SMAD3: variants seen among roughly 807,000 people sequenced by gnomAD.
SMAD3 encodes the protein SMAD family member 3, also known as MAD homolog 3.
SMAD3 carries 12 observed loss-of-function variants against 51.8 expected under a neutral mutation model. That is an observed-to-expected ratio of 0.23 (90% CI 0.15 to 0.38). The LOEUF is 0.38. Among genes scored for constraint, SMAD3 ranks in the 10% least tolerant of loss-of-function variants. The probability of loss-of-function intolerance (pLI) is 1.00; values close to 1 mark genes in which losing one functional copy is unlikely to be tolerated. For synonymous variants in SMAD3, 238 were observed against 227.7 expected (o/e 1.05, Z -0.41); for missense variants, 294 against 565.6 (o/e 0.52, Z 4.87).
rs1963471620 is a variant in SMAD3 at position 67,195,165 on chromosome 15, G to A, written c.*4629G>A. 1 of 231,906 alleles carries A rather than the reference G, an allele frequency of 4.3e-6. No individual in the cohort carries two copies. Among genetic ancestry groups the A allele is most frequent in the Admixed American group, 5.6e-5 (1 of 17,708 alleles). 14.4% of individuals were successfully genotyped at this position (231,906 alleles called of 1,614,324 possible). A position where few individuals can be genotyped will look rare whatever the true frequency, so the allele number is the denominator to read the frequency against. On this transcript the variant is annotated 3_prime_UTR_variant, in exon 9 of 9. Transcript: ENST00000327367. ...GTGCCCTTCTAATAAACTTTTCATG[G>A]AAAAGCTCCTGTGCCAGGAGCTCAG...
intron 1 of SMAD3, among the ~76,000 whole-genome samples, chr15:67,126,948 G>A (rs1961404787): frequency 6.6e-6 from 1 of 152,246 alleles, no homozygotes; most frequent in African/African-American, 2.4e-5. Flanking sequence ...TCCAGGACGA[G>A]GTGGGCACTC....
At chr15:67,183,001 ATATAT>A (rs1267212452) in intron 6 of SMAD3, among the ~76,000 whole-genome samples, 32 of 47,482 alleles carry the variant, frequency 6.7e-4, no homozygotes, top group Non-Finnish European at 8.5e-4. Context: ...AAAAAAAAAA[ATATAT>A]ATATATATAT....
chr15:67,109,772 C>T (rs970881812), intron 1 of SMAD3, among the ~76,000 whole-genome samples: 18 of 152,212 alleles, frequency 1.2e-4, no homozygotes, highest in African/African-American at 2.4e-4. Flanking sequence ...GCGACACCCG[C>T]GTGCCCCTTA....
intron 7 of SMAD3, among the ~76,000 whole-genome samples, chr15:67,185,187 G>C (rs1310444904): frequency 6.6e-6 from 1 of 152,210 alleles, no homozygotes. Context: ...TCTGTGCCAG[G>C]TGCTGTAGGG....
chr15:67,147,393 C>T (rs367549986), intron 1 of SMAD3, among the ~76,000 whole-genome samples: 182 of 152,266 alleles, frequency 1.2e-3, no homozygotes, highest in African/African-American at 4.1e-3. Context: ...TGTTCAGTTA[C>T]ACCGACAGCT....
intron 8 of SMAD3, among the ~76,000 whole-genome samples, chr15:67,189,544 C>G (rs773985534): frequency 6.6e-6 from 1 of 152,232 alleles, no homozygotes; most frequent in Non-Finnish European, 1.5e-5. Context: ...AGCAGCCTGA[C>G]GGGCGGGCGC....
In SMAD3 at chr15:67,194,436, A is replaced by G. The variant is rs1963449290; in HGVS notation, c.*3900A>G. 1 of 233,384 alleles carries G rather than the reference A, an allele frequency of 4.3e-6. No homozygotes were observed. Among genetic ancestry groups the G allele is most frequent in the African/African-American group, 2.2e-5 (1 of 45,478 alleles). 14.5% of individuals were successfully genotyped at this position (233,384 alleles called of 1,614,324 possible). A position where few individuals can be genotyped will look rare whatever the true frequency, so the allele number is the denominator to read the frequency against. ...GCAACTTTTCAAAAACACAGCTATC[A>G]TAGAAAAGAAACTTGCCTCATGTAA... On this transcript the variant is annotated 3_prime_UTR_variant, in exon 9 of 9. Coordinates refer to ENST00000327367, the MANE Select transcript of SMAD3 (RefSeq NM_005902.4).
chr15:67,153,312 T>G (rs1235814541), intron 1 of SMAD3, among the ~76,000 whole-genome samples: 5 of 152,104 alleles, frequency 3.3e-5, no homozygotes, highest in Non-Finnish European at 7.4e-5. Flanking sequence ...GCCAATATTG[T>G]GAAACCCCGT....
chr15:67,184,735 G>A lies in SMAD3; in HGVS notation c.880G>A (p.Val294Met), dbSNP rs863223744. 1.2e-6 allele frequency: 2 copies of A among 1,614,066 alleles called. No homozygotes were observed. Among genetic ancestry groups the A allele is most frequent in the Non-Finnish European group, 1.7e-6 (2 of 1,180,036 alleles). ...ELTRRHIGRG[V>M]RLYYIGGEVF... is the part of the protein sequence containing the mutation. Reference sequence around the variant, plus strand: ...AACCTGAATCTCTGTAGGAAGAGGCGTGCGGCTCTACTACATCGGAGGGGA... The same window carrying A: ...AACCTGAATCTCTGTAGGAAGAGGCATGCGGCTCTACTACATCGGAGGGGA... Residue 294 changes from valine (V) to methionine (M), a missense_variant, in exon 7 of 9, where the codon GTG (valine) becomes ATG (methionine). This residue lies in a region of SMAD3 where 118 missense variants were observed against 278.0 expected (regional missense o/e 0.42). Coordinates refer to ENST00000327367, the MANE Select transcript of SMAD3 (RefSeq NM_005902.4).
intron 1 of SMAD3, among the ~76,000 whole-genome samples, chr15:67,118,190 G>A (rs1288444629): frequency 1.3e-5 from 2 of 152,220 alleles, no homozygotes; most frequent in African/African-American, 4.8e-5. Context: ...TCACAGCGTC[G>A]GGGAAGATAG....
intron 1 of SMAD3, among the ~76,000 whole-genome samples, chr15:67,115,781 G>A (rs1319971102): frequency 6.6e-6 from 1 of 152,218 alleles, no homozygotes; most frequent in East Asian, 1.9e-4. Flanking sequence ...AGTGAGCAAA[G>A]AGGAAGCACT....
intron 1 of SMAD3, among the ~76,000 whole-genome samples, chr15:67,153,212 C>G (rs915539049): frequency 6.6e-6 from 1 of 152,150 alleles, no homozygotes; most frequent in Non-Finnish European, 1.5e-5. Flanking sequence ...TTCTGTTTGG[C>G]CAGGTGCAGT....
At chr15:67,087,580 A>C (rs2140210830) in intron 1 of SMAD3, among the ~76,000 whole-genome samples, 1 of 152,312 alleles carries the variant, frequency 6.6e-6, no homozygotes, top group African/African-American at 2.4e-5. Flanking sequence ...AAGTTGTGTG[A>C]TCATCAGTAA....
intron 1 of SMAD3, among the ~76,000 whole-genome samples, chr15:67,101,678 T>G (rs973245027): frequency 1.3e-5 from 2 of 152,202 alleles, no homozygotes; most frequent in African/African-American, 4.8e-5. Context: ...TGAGGTGAGA[T>G]CCGTAGGCAA....
intron 1 of SMAD3, among the ~76,000 whole-genome samples, chr15:67,089,863 G>A (rs1035387982): frequency 3.9e-5 from 6 of 152,222 alleles, no homozygotes; most frequent in African/African-American, 7.2e-5. Flanking sequence ...GCTAGGAAGC[G>A]GCCAGGCAGT....
intron 1 of SMAD3, among the ~76,000 whole-genome samples, chr15:67,098,347 G>GGAGGGAGGGA (rs1555407140): frequency 7.7e-5 from 11 of 142,672 alleles, no homozygotes; most frequent in Admixed American, 3.5e-4. Flanking sequence ...AGGGAGGGAG[G>GGAGGGAGGGA]GAGAGAGCGA....
In SMAD3 at chr15:67,107,030, T is replaced by TTGGC. The variant is rs147374309; in HGVS notation, c.206+40672_206+40675dup. Among the ~76,000 whole-genome samples, 21 of 152,212 alleles carry TTGGC rather than the reference T, an allele frequency of 1.4e-4. No homozygotes were observed. In the East Asian group the frequency reaches 4.1e-3, roughly 29 times the overall value. On this transcript the variant is annotated intron_variant, in intron 1 of 8. Transcript: ENST00000327367. ...GTTCACAGGGCCCCGTCTGCACGAC[T>TTGGC]TGGCTTCTGTCGGCTTCCCTAGCCC...
Position 67,118,227 on chromosome 15 carries a change from C to A in SMAD3, c.207-46668C>A, listed in dbSNP as rs979534412. Among the ~76,000 whole-genome samples the A allele has an allele frequency of 5.3e-5, 8 of 152,324 alleles. No individual in the cohort carries two copies. The East Asian group carries it at 1.2e-3, about 22-fold the overall frequency. ...CACGGAACAAGTCATCTGGTGTGGT[C>A]CCTGCAGTGGGGGAGCCCAGTGAGG... On this transcript the variant is annotated intron_variant, in intron 1 of 8. Transcript: ENST00000327367.
At chr15:67,103,829 G>C (rs995485564) in intron 1 of SMAD3, among the ~76,000 whole-genome samples, 1 of 152,172 alleles carries the variant, frequency 6.6e-6, no homozygotes, top group Non-Finnish European at 1.5e-5. Context: ...GACCACCCTG[G>C]ACCTCTTTCT....
Sources: allele counts gnomAD v4.1 joint callset (sites outside exome capture counted in the v4.1 genomes callset), GRCh38; gene constraint gnomAD v4.1.1; regional missense constraint gnomAD v4.1.1; transcripts MANE v1.5; gene names NCBI Gene and HGNC (gene_info 2026-07-23, HGNC 2026-07-21).